The following STIL variants were observed in gnomAD, a reference collection of about 807,000 sequenced individuals.
The protein encoded by STIL is STIL centriolar assembly protein.
A neutral mutation model predicts 110.1 loss-of-function variants in STIL; 55 were observed. That is an observed-to-expected ratio of 0.50 (90% CI 0.40 to 0.63). The LOEUF (loss-of-function observed/expected upper bound fraction) is 0.63. Among genes scored for constraint, STIL ranks in the 20% least tolerant of loss-of-function variants. The pLI, the probability that STIL is intolerant of heterozygous loss-of-function variation, is 0.00. For missense variants in STIL, 1,358 were observed against 1,530.0 expected, an observed-to-expected ratio of 0.89 and a Z score of 1.87; for synonymous variants, 481 against 530.0, an observed-to-expected ratio of 0.91 and a Z score of 1.27.
At chr1:47,265,217 C>A (rs556709131) in intron 14 of STIL, among the ~76,000 whole-genome samples, 96 of 104,710 alleles carry the variant, frequency 9.2e-4, no homozygotes, top group Middle Eastern at 0.023. Flanking sequence ...GCCTGAGCAA[C>A]AGAGCAACAC....
rs373048037 is a variant in STIL, at chr1:47,280,565, A to C, written c.1893T>G (p.Asp631Glu). Residue 631 changes from aspartate to glutamate, a missense_variant, in exon 12 of 17, where the codon GAT becomes GAG. Transcript: ENST00000371877. ...GCTTTTGAAGGGCTTCAGACTGGAC[A>C]TCTTGAATGGATCCAACTGTGTTTG... Reference protein sequence around the residue: ...QGANTVGSIQDVQSEALQKHS... With the variant: ...QGANTVGSIQEVQSEALQKHS... The C allele has an allele frequency of 8.4e-5, 136 of 1,614,150 alleles. No homozygotes were observed. The highest frequency in any genetic ancestry group is 6.4e-5 in the Non-Finnish European group (76 of 1,180,066).
At chr1:47,305,873 A>G (rs992468424) in intron 2 of STIL, among the ~76,000 whole-genome samples, 16 of 151,424 alleles carry the variant, frequency 1.1e-4, no homozygotes, top group Non-Finnish European at 1.8e-4. Context: ...CTAGGATTAC[A>G]GGCGCCTGCC....
rs1378792679 is a variant in STIL, at chr1:47,299,896, T to G, written c.701+9A>C. On this transcript the variant is annotated intron_variant, in intron 6 of 16. Coordinates refer to ENST00000371877, the MANE Select transcript of STIL (RefSeq NM_001048166.1). ...AACTAACATTTAGATTAATGTATCT[T>G]TTACTTACCCATATTTATAAGTCCC... The G allele has an allele frequency of 1.2e-6, 2 of 1,612,254 alleles. No individual in the cohort carries two copies. Among genetic ancestry groups the G allele is most frequent in the Non-Finnish European group, 1.7e-6 (2 of 1,178,436 alleles).
rs61666574 is a variant in STIL, at chr1:47,265,237, C to CAAAAAA, written c.2616-2127_2616-2122dup. Among the ~76,000 whole-genome samples the CAAAAAA allele has an allele frequency of 7.7e-3, 398 of 51,502 alleles. 63 individuals are homozygous for CAAAAAA. Among genetic ancestry groups the CAAAAAA allele is most frequent in the Middle Eastern group, 0.02 (1 of 50 alleles). The allele number at this position is 51,502 out of a possible 152,430, so 33.8% of individuals were successfully genotyped here. Reference sequence around the variant, plus strand: ...AGCAACAGAGCAACACTCCATCTCCCAAAAAAAAAAAAAAAAAAAAAAACA... The same window carrying CAAAAAA: ...AGCAACAGAGCAACACTCCATCTCCCAAAAAAAAAAAAAAAAAAAAAAAAAAAAACA... On this transcript the variant is annotated intron_variant, in intron 14 of 16. Coordinates refer to ENST00000371877, the MANE Select transcript of STIL (RefSeq NM_001048166.1).
At chr1:47,303,881 C>G (rs1463214849) in intron 3 of STIL, among the ~76,000 whole-genome samples, 1 of 152,162 alleles carries the variant, frequency 6.6e-6, no homozygotes, top group African/African-American at 2.4e-5. Context: ...TTGTTTCATT[C>G]TTTCCTCTTG....
intron 12 of STIL, among the ~76,000 whole-genome samples, chr1:47,274,532 T>C (rs899535527): frequency 2.1e-5 from 3 of 146,270 alleles, no homozygotes; most frequent in Non-Finnish European, 3.0e-5. Flanking sequence ...TTAGCCAGGA[T>C]GGTCTCGATC....
At chr1:47,312,562 T>G (rs35370376) in intron 1 of STIL, among the ~76,000 whole-genome samples, 57,730 of 151,758 alleles carry the variant, frequency 0.38, 13,736 homozygotes, top group Non-Finnish European at 0.51. Flanking sequence ...CCTTCCTTAG[T>G]ACTTGGTTGT....
intron 14 of STIL, among the ~76,000 whole-genome samples, chr1:47,266,770 T>C (rs977869482): frequency 5.9e-5 from 9 of 152,340 alleles, no homozygotes; most frequent in African/African-American, 2.2e-4. Context: ...TAACTTCCAC[T>C]CTTAACATCC....
Position 47,272,116 on chromosome 1 carries a change from G to A in STIL, c.2343C>T (p.Gly781=), listed in dbSNP as rs781665911. The change falls in exon 13 of 17, where the codon GGC becomes GGT. Residue 781 remains glycine (G), a synonymous_variant. Coordinates refer to ENST00000371877, the MANE Select transcript of STIL (RefSeq NM_001048166.1). Reference sequence around the variant, plus strand: ...TGCTTACACCTTTTCTCATGTGCAAGCCAGGGGAAGACTGTGCTTCCACAG... The same window carrying A: ...TGCTTACACCTTTTCTCATGTGCAAACCAGGGGAAGACTGTGCTTCCACAG... ...LVSVEAQSSP[G]LHMRKGVSIA... The A allele has an allele frequency of 6.2e-7, 1 of 1,614,142 alleles. No homozygotes were observed. The highest frequency in any genetic ancestry group is 8.5e-7 in the Non-Finnish European group (1 of 1,180,026).
rs1644767729 is a variant in STIL, at chr1:47,269,867, C to A, written c.2384-1G>T. On this transcript the variant is annotated splice_acceptor_variant, in intron 13 of 16. Coordinates refer to ENST00000371877, the MANE Select transcript of STIL (RefSeq NM_001048166.1). LOFTEE classifies it high-confidence loss of function. ...GCTGCATTCCAAAACAAGCTAGCAC[C>A]TGGAGGTTAAATAATTTAAGATACT... is the stretch of plus-strand genomic sequence containing the variant. 6.2e-7 allele frequency: 1 copy of A among 1,611,962 alleles called. No homozygotes were observed. The highest frequency in any genetic ancestry group is 1.1e-5 in the South Asian group (1 of 91,034).
chr1:47,262,156 T>C (rs1644505145), intron 15 of STIL, among the ~76,000 whole-genome samples: 1 of 152,200 alleles, frequency 6.6e-6, no homozygotes, highest in South Asian at 2.1e-4. Flanking sequence ...AGCACCAGCC[T>C]AGGACCTAGC....
chr1:47,280,945 C>A lies in STIL; in HGVS notation c.1513G>T (p.Val505Leu), dbSNP rs543585452. 2 of 1,614,004 alleles carry A rather than the reference C, an allele frequency of 1.2e-6. No individual in the cohort carries two copies. The highest frequency in any genetic ancestry group is 2.7e-5 in the African/African-American group (2 of 75,002). Residue 505 changes from valine to leucine, a missense_variant, in exon 12 of 17, where the codon GTA becomes TTA. Val to Leu is a conservative substitution (Grantham distance 32, BLOSUM62 1). Coordinates refer to ENST00000371877, the MANE Select transcript of STIL (RefSeq NM_001048166.1). The stretch of plus-strand genomic sequence containing the variant: ...TTCTTATAGGCAGGTGGCTGTCTTA[C>A]TTTGCAGTGTCTCAAAAGAGCTGGT... ...DKPALLRHCK[V>L]RQPPAYKKGN...
chr1:47,295,452 C>T (rs980215081), intron 7 of STIL, among the ~76,000 whole-genome samples: 4 of 151,844 alleles, frequency 2.6e-5, no homozygotes, highest in Admixed American at 1.3e-4. Flanking sequence ...TGGTGATGCA[C>T]GCCTGTAATC....
intron 8 of STIL, among the ~76,000 whole-genome samples, chr1:47,290,619 C>T (rs1482971711): frequency 6.6e-6 from 1 of 151,244 alleles, no homozygotes; most frequent in Non-Finnish European, 1.5e-5. Context: ...AGGAGAATGG[C>T]GTGAACCCGG....
intron 13 of STIL, among the ~76,000 whole-genome samples, chr1:47,270,294 A>ACACACACAC (rs1553172417): frequency 6.7e-6 from 1 of 148,276 alleles, no homozygotes; most frequent in South Asian, 2.1e-4. Flanking sequence ...ACACACACAC[A>ACACACACAC]ATTACTTAGA....
chr1:47,266,004 G>A (rs2742081), intron 14 of STIL, among the ~76,000 whole-genome samples: 63,378 of 151,560 alleles, frequency 0.42, 15,396 homozygotes, highest in South Asian at 0.55. Flanking sequence ...CTTAGCACAA[G>A]CAATCGGTTC....
chr1:47,291,938 G>T (rs1171480917), intron 8 of STIL, among the ~76,000 whole-genome samples: 3 of 151,850 alleles, frequency 2.0e-5, no homozygotes, highest in Non-Finnish European at 2.9e-5. Context: ...GCTTACTGCA[G>T]CCTGAACTCC....
intron 16 of STIL, among the ~76,000 whole-genome samples, chr1:47,252,661 T>C (rs2148631561): frequency 6.6e-6 from 1 of 152,206 alleles, no homozygotes; most frequent in Admixed American, 6.6e-5. Flanking sequence ...AAAACACATT[T>C]GATTATATAA....
chr1:47,271,399 C>T (rs1221170363), intron 13 of STIL, among the ~76,000 whole-genome samples: 1 of 151,574 alleles, frequency 6.6e-6, no homozygotes, highest in Non-Finnish European at 1.5e-5. Context: ...TAGTGAAACC[C>T]CATCTCTACT....
Sources: allele counts gnomAD v4.1 joint callset (sites outside exome capture counted in the v4.1 genomes callset), GRCh38; gene constraint gnomAD v4.1.1; transcripts MANE v1.5; gene names NCBI Gene and HGNC (gene_info 2026-07-23, HGNC 2026-07-21).